The following PITPNM2 variants were observed in gnomAD, a reference collection of about 807,000 sequenced individuals.
PITPNM2 encodes the protein membrane-associated phosphatidylinositol transfer protein 2.
Under a neutral mutation model 132.2 loss-of-function variants are expected in PITPNM2, and 35 were observed. The ratio of observed to expected loss-of-function variants is 0.26; its 90% confidence interval spans 0.20 to 0.35. The LOEUF is 0.35. PITPNM2 is among the 10% of genes least tolerant of loss of function. The pLI, the probability that PITPNM2 is intolerant of heterozygous loss-of-function variation, is 1.00. For synonymous variants in PITPNM2, 738 were observed against 799.2 expected (o/e 0.92, Z 1.29); for missense variants, 1,332 against 1,912.0 (o/e 0.70, Z 5.66).
Position 123,082,310 on chromosome 12 carries a change from C to A in PITPNM2, c.-96+28075G>T, listed in dbSNP as rs1043571801. Among the ~76,000 whole-genome samples the A allele has an allele frequency of 6.6e-6, 1 of 152,220 alleles. No homozygotes were observed. The highest frequency in any genetic ancestry group is 2.4e-5 in the African/African-American group (1 of 41,448). On this transcript the variant is annotated intron_variant, in intron 2 of 25. Coordinates refer to ENST00000320201, the MANE Select transcript of PITPNM2 (RefSeq NM_020845.3). The surrounding 1 kb of genome is among the most constrained non-coding windows in gnomAD (Gnocchi z 5.4). ...TGTAAAACTTGGCCCTGACTCTAACCCTGGCATTCCTCTGACCCTTTCTAA... is the reference window on the plus strand; with the variant it reads ...TGTAAAACTTGGCCCTGACTCTAACACTGGCATTCCTCTGACCCTTTCTAA...
chr12:123,075,744 G>C (rs1194445181), intron 2 of PITPNM2: 3 of 152,314 alleles, frequency 2.0e-5, no homozygotes, highest in African/African-American at 4.8e-5. Flanking sequence ...TTATACTTTA[G>C]AGCAGCCGCT....
intron 1 of PITPNM2, among the ~76,000 whole-genome samples, chr12:123,140,069 C>T (rs561385437): frequency 3.3e-5 from 5 of 152,290 alleles, no homozygotes; most frequent in East Asian, 1.9e-4. Flanking sequence ...AGGACAGCAA[C>T]GCAGGTCTGA....
intron 11 of PITPNM2, 130 bp from the exon 12 acceptor site, chr12:122,997,040 G>A: frequency 9.6e-7 from 1 of 1,041,254 alleles, no homozygotes; most frequent in Non-Finnish European, 1.4e-6. Flanking sequence ...CCAGGGCCTG[G>A]ATAGGCTTGG....
intron 1 of PITPNM2, among the ~76,000 whole-genome samples, chr12:123,116,272 G>A (rs1288037251): frequency 6.6e-6 from 1 of 152,078 alleles, no homozygotes; most frequent in Non-Finnish European, 1.5e-5. Context: ...GCCAAAAGGT[G>A]GGCACAACCC....
intron 1 of PITPNM2, among the ~76,000 whole-genome samples, chr12:123,113,974 C>T (rs2042888856): frequency 1.3e-5 from 2 of 152,182 alleles, no homozygotes; most frequent in Non-Finnish European, 2.9e-5. Flanking sequence ...ACATCCTTCA[C>T]TTAGCATAAT....
intron 2 of PITPNM2, among the ~76,000 whole-genome samples, chr12:123,093,583 A>C (rs2042327958): frequency 1.3e-5 from 2 of 151,950 alleles, no homozygotes; most frequent in African/African-American, 4.8e-5. Context: ...TCCTCCTGCC[A>C]CTCGGCAGCC....
Position 122,984,010 on chromosome 12 carries a change from C to T in PITPNM2, c.*2017G>A, listed in dbSNP as rs115743690. On this transcript the variant is annotated 3_prime_UTR_variant, in exon 26 of 26. Transcript: ENST00000320201. ...AATCTGAAGGGAGGTGGAAAGCAGACCTGGATACAGAAGAGACTTCCCATG... is the reference window on the plus strand; with the variant it reads ...AATCTGAAGGGAGGTGGAAAGCAGATCTGGATACAGAAGAGACTTCCCATG... 53 of 152,880 alleles carry T rather than the reference C, an allele frequency of 3.5e-4. No homozygotes were observed. The highest frequency in any genetic ancestry group is 1.2e-3 in the African/African-American group (51 of 41,596). 9.5% of individuals were successfully genotyped at this position (152,880 alleles called of 1,614,324 possible).
Position 123,113,891 on chromosome 12 carries a change from T to C in PITPNM2, c.-199-3403A>G, listed in dbSNP as rs1167675276. 2.0e-5 allele frequency among the ~76,000 whole-genome samples: 3 copies of C among 152,234 alleles called. 1 individual carries two copies. Among genetic ancestry groups the C allele is most frequent in the Non-Finnish European group, 4.4e-5 (3 of 68,044 alleles). On this transcript the variant is annotated intron_variant, in intron 1 of 25. Coordinates refer to ENST00000320201, the MANE Select transcript of PITPNM2 (RefSeq NM_020845.3). ...TGCCCCTGGCAACCACTAATCTTTC[T>C]GCCTCTATGGGTTTGCCTATTCTAG... is the stretch of plus-strand genomic sequence containing the variant.
Position 122,996,817 on chromosome 12 carries a change from G to T in PITPNM2, c.1566C>A (p.Pro522=), listed in dbSNP as rs760546382. The T allele has an allele frequency of 1.9e-6, 3 of 1,603,044 alleles. No individual in the cohort carries two copies. The highest frequency in any genetic ancestry group is 2.5e-6 in the Non-Finnish European group (3 of 1,177,226). The change falls in exon 12 of 26, where the codon CCC becomes CCA. Residue 522 remains proline, a synonymous_variant. Transcript: ENST00000320201. The part of the protein sequence containing the change: ...AALPLLATSS[P]QYQEAVATVI... The stretch of plus-strand genomic sequence containing the variant: ...CTGTGGCAACTGCCTCCTGGTACTG[G>T]GGGGAGGAGGTGGCCAGCAGGGGGA...
In PITPNM2 at chr12:122,985,883, T is replaced by C. The variant is rs530265890; in HGVS notation, c.*144A>G. 3.2e-5 allele frequency: 24 copies of C among 759,268 alleles called. No individual in the cohort carries two copies. In the East Asian group the frequency reaches 7.7e-4, roughly 24 times the overall value. The allele number at this position is 759,268 out of a possible 1,614,324, so 47.0% of individuals were successfully genotyped here. A position where few individuals can be genotyped will look rare whatever the true frequency, so the allele number is the denominator to read the frequency against. On this transcript the variant is annotated 3_prime_UTR_variant, in exon 26 of 26. Coordinates refer to ENST00000320201, the MANE Select transcript of PITPNM2 (RefSeq NM_020845.3). ...GGACGTGAGGCAGGGCAGGGAGCACTGTGTGGTGCGGCCCGTGTCCTCCAC... is the reference window on the plus strand; with the variant it reads ...GGACGTGAGGCAGGGCAGGGAGCACCGTGTGGTGCGGCCCGTGTCCTCCAC...
chr12:123,060,051 G>T (rs1450579232), intron 2 of PITPNM2, among the ~76,000 whole-genome samples: 2 of 152,158 alleles, frequency 1.3e-5, no homozygotes, highest in Non-Finnish European at 2.9e-5. Context: ...AGTCCTGGCA[G>T]CGCTCCCTTT....
intron 5 of PITPNM2, among the ~76,000 whole-genome samples, chr12:123,011,615 G>A (rs972894367): frequency 3.3e-5 from 5 of 152,146 alleles, no homozygotes; most frequent in African/African-American, 1.2e-4. Context: ...CATTAAGGTG[G>A]GTCCTAACCC....
Position 123,000,519 on chromosome 12 carries a change from G to A in PITPNM2, c.1224+259C>T. 1.4e-6 allele frequency: 1 copy of A among 699,830 alleles called. No homozygotes were observed. The highest frequency in any genetic ancestry group is 2.6e-6 in the Non-Finnish European group (1 of 383,276). 43.4% of individuals were successfully genotyped at this position (699,830 alleles called of 1,614,324 possible). ...TTCTCATTTTACTTTCCCATGGGTGGAGCTTGGATAAGGCTTTCTCAGGGG... is the reference window on the plus strand; with the variant it reads ...TTCTCATTTTACTTTCCCATGGGTGAAGCTTGGATAAGGCTTTCTCAGGGG... On this transcript the variant is annotated intron_variant, in intron 10 of 25. Transcript: ENST00000320201. This position sits in a 1 kb window ranked among gnomAD's most constrained non-coding sequence, Gnocchi z 5.4.
At position 123,008,443 on chromosome 12, in the gene PITPNM2, A is replaced by G. The variant is rs187948766; in HGVS notation, c.643+1407T>C. Among the ~76,000 whole-genome samples, 10 of 152,278 alleles carry G rather than the reference A, an allele frequency of 6.6e-5. No homozygotes were observed. The East Asian group carries it at 1.9e-3, about 29-fold the overall frequency. ...CGGTAGGGGACGCCCTGCCCAGGAT[A>G]GGGGAGCCCCTCCCAGTCCTGCCCA... is the stretch of plus-strand genomic sequence containing the variant. On this transcript the variant is annotated intron_variant, in intron 6 of 25. Transcript: ENST00000320201. This position sits in a 1 kb window ranked among gnomAD's most constrained non-coding sequence, Gnocchi z 4.1.
intron 2 of PITPNM2, among the ~76,000 whole-genome samples, chr12:123,047,485 T>A (rs745784252): frequency 2.0e-5 from 3 of 152,194 alleles, no homozygotes; most frequent in African/African-American, 7.2e-5. Context: ...GTCCCCTAGG[T>A]GGCTTAGATC....
chr12:123,059,095 C>T (rs1406690241), intron 2 of PITPNM2, among the ~76,000 whole-genome samples: 1 of 152,226 alleles, frequency 6.6e-6, no homozygotes, highest in African/African-American at 2.4e-5. Context: ...CAGAGGTCAG[C>T]ATCTAGGCAG....
intron 2 of PITPNM2, among the ~76,000 whole-genome samples, chr12:123,101,902 T>TA (rs1260679226): frequency 6.6e-6 from 1 of 152,208 alleles, no homozygotes; most frequent in Non-Finnish European, 1.5e-5. Context: ...TACATAAAAT[T>TA]AAAAAATTAG....
At chr12:123,046,202 G>T (rs895450090) in intron 2 of PITPNM2, among the ~76,000 whole-genome samples, 1 of 152,022 alleles carries the variant, frequency 6.6e-6, no homozygotes, top group African/African-American at 2.4e-5. Flanking sequence ...TTTCCTGAAG[G>T]TATTCCCAGT....
intron 1 of PITPNM2, among the ~76,000 whole-genome samples, chr12:123,116,800 G>A (rs1218371103): frequency 1.3e-5 from 2 of 152,106 alleles, no homozygotes; most frequent in Non-Finnish European, 2.9e-5. Flanking sequence ...GGAGGGGAAC[G>A]GATGTTCCAG....
Sources: gnomAD v4.1 joint callset for allele counts (sites outside exome capture counted in the v4.1 genomes callset) on GRCh38, gnomAD v4.1.1 for gene constraint, Gnocchi (gnomAD v3.1) non-coding constraint, MANE v1.5 for transcripts, NCBI Gene and HGNC (gene_info 2026-07-23, HGNC 2026-07-21) for gene names.